ARHGEF26: variants seen among roughly 807,000 people sequenced by gnomAD.
ARHGEF26 encodes the protein Rho guanine nucleotide exchange factor (GEF) 26.
ARHGEF26 carries 59 observed loss-of-function variants against 89.4 expected under a neutral mutation model. That is an observed-to-expected ratio of 0.66 (90% CI 0.54 to 0.82). The LOEUF (loss-of-function observed/expected upper bound fraction) is 0.82. Ranked by LOEUF, ARHGEF26 falls within the 40% of genes least tolerant of loss-of-function variation. The pLI is 0.00. For missense variants in ARHGEF26, 1,234 were observed against 1,085.6 expected (o/e 1.14, Z -1.92); for synonymous variants, 500 against 428.4 (o/e 1.17, Z -2.06).
chr3:154,221,387 G>GATT (rs1716117348), intron 10 of ARHGEF26, among the ~76,000 whole-genome samples: 2 of 152,170 alleles, frequency 1.3e-5, no homozygotes, highest in Non-Finnish European at 2.9e-5. Flanking sequence ...TGGTGGGAAA[G>GATT]ATTGTTTTAC....
At chr3:154,188,856 G>C (rs768959122) in intron 7 of ARHGEF26, among the ~76,000 whole-genome samples, 2 of 152,146 alleles carry the variant, frequency 1.3e-5, no homozygotes, top group Non-Finnish European at 2.9e-5. Flanking sequence ...AAAACACACA[G>C]CTGCTAACCC....
intron 9 of ARHGEF26, among the ~76,000 whole-genome samples, chr3:154,215,616 A>G (rs1715670654): frequency 6.6e-6 from 1 of 152,050 alleles, no homozygotes; most frequent in South Asian, 2.1e-4. Context: ...ACAGTTGTGG[A>G]GGCTGGGCAG....
At chr3:154,177,497 C>T (rs1370398865) in intron 6 of ARHGEF26, among the ~76,000 whole-genome samples, 1 of 152,142 alleles carries the variant, frequency 6.6e-6, no homozygotes, top group Non-Finnish European at 1.5e-5. Context: ...GTCTCTAATT[C>T]CCTGGTGTGA....
chr3:154,227,432 C>G (rs557880915), intron 11 of ARHGEF26, among the ~76,000 whole-genome samples: 2 of 151,972 alleles, frequency 1.3e-5, no homozygotes, highest in Non-Finnish European at 2.9e-5. Context: ...CAGGCGCCCG[C>G]TACCACACCC....
chr3:154,211,400 T>C (rs1401611999), intron 9 of ARHGEF26, among the ~76,000 whole-genome samples: 1 of 152,100 alleles, frequency 6.6e-6, no homozygotes, highest in African/African-American at 2.4e-5. Context: ...GTTTGGTCTT[T>C]TTTTTTCCTG....
chr3:154,166,625 A>T (rs558629366), intron 6 of ARHGEF26, among the ~76,000 whole-genome samples: 277 of 152,276 alleles, frequency 1.8e-3, no homozygotes, highest in Non-Finnish European at 3.4e-3. Context: ...GCTGTTTGGC[A>T]TGGTAAAAGT....
Position 154,226,696 on chromosome 3 carries a change from C to CA in ARHGEF26, c.2090+686_2090+687insA, listed in dbSNP as rs3223632. 9.9e-3 allele frequency among the ~76,000 whole-genome samples: 1,440 copies of CA among 145,420 alleles called. 15 individuals are homozygous for CA. Among genetic ancestry groups the CA allele is most frequent in the African/African-American group, 0.034 (1,367 of 39,660 alleles). The stretch of plus-strand genomic sequence containing the variant: ...ACACACACACACACACACACACACA[C>CA]CCCTTCAGCTCTGCCTTTCTCTAGG... On this transcript the variant is annotated intron_variant, in intron 11 of 14. Coordinates refer to ENST00000465093, the MANE Select transcript of ARHGEF26 (RefSeq NM_015595.4).
intron 8 of ARHGEF26, among the ~76,000 whole-genome samples, chr3:154,193,047 CCA>C (rs1559889456): frequency 6.9e-6 from 1 of 145,496 alleles, no homozygotes; most frequent in Non-Finnish European, 1.5e-5. Flanking sequence ...TTTTTTTAAG[CCA>C]CAGACCCCCC....
At chr3:154,232,994 A>AT (rs556808222) in intron 11 of ARHGEF26, among the ~76,000 whole-genome samples, 39 of 149,436 alleles carry the variant, frequency 2.6e-4, no homozygotes, top group South Asian at 8.6e-4. Context: ...CGCCCGGCTA[A>AT]TTTTTTTTTT....
intron 9 of ARHGEF26, among the ~76,000 whole-genome samples, chr3:154,204,868 G>A (rs552232420): frequency 6.6e-6 from 1 of 152,032 alleles, no homozygotes; most frequent in Admixed American, 6.6e-5. Context: ...ATTTCATTGT[G>A]GTCAAAGAAT....
At position 154,226,015 on chromosome 3, in the gene ARHGEF26, GTCTTTA is replaced by G; in HGVS notation, c.2090+9_2090+14del. 1 of 1,606,554 alleles carries G rather than the reference GTCTTTA, an allele frequency of 6.2e-7. No homozygotes were observed. Among genetic ancestry groups the G allele is most frequent in the Non-Finnish European group, 8.5e-7 (1 of 1,176,812 alleles). Reference sequence around the variant, plus strand: ...CATTATCACCAAGAAGAAGAGGTAAGTCTTTATCTGGTGTTGCTGACTAGACATTCC... The same window carrying G: ...CATTATCACCAAGAAGAAGAGGTAAGTCTGGTGTTGCTGACTAGACATTCC... On this transcript the variant is annotated splice_donor_region_variant and intron_variant, in intron 11 of 14. Coordinates refer to ENST00000465093, the MANE Select transcript of ARHGEF26 (RefSeq NM_015595.4).
chr3:154,256,430 C>T lies in ARHGEF26; in HGVS notation c.*957C>T. On this transcript the variant is annotated 3_prime_UTR_variant, in exon 15 of 15. Coordinates refer to ENST00000465093, the MANE Select transcript of ARHGEF26 (RefSeq NM_015595.4). Reference sequence around the variant, plus strand: ...TAGAGACAGGGTTTCATCATGTTGGCCAGGATGGTCTCTTAACTCCTGCCC... The same window carrying T: ...TAGAGACAGGGTTTCATCATGTTGGTCAGGATGGTCTCTTAACTCCTGCCC... 1.3e-6 allele frequency: 1 copy of T among 789,228 alleles called. No individual in the cohort carries two copies. Among genetic ancestry groups the T allele is most frequent in the Non-Finnish European group, 1.5e-6 (1 of 652,422 alleles). The allele number at this position is 789,228 out of a possible 1,614,324, so 48.9% of individuals were successfully genotyped here. A position where few individuals can be genotyped will look rare whatever the true frequency, so the allele number is the denominator to read the frequency against.
At chr3:154,152,000 G>T (rs1321581897) in intron 5 of ARHGEF26, among the ~76,000 whole-genome samples, 1 of 152,124 alleles carries the variant, frequency 6.6e-6, no homozygotes, top group Non-Finnish European at 1.5e-5. Context: ...CCTTACGCAG[G>T]GCATTGGAAT....
chr3:154,203,455 C>T (rs1181132384), intron 9 of ARHGEF26, among the ~76,000 whole-genome samples: 4 of 152,102 alleles, frequency 2.6e-5, no homozygotes, highest in Non-Finnish European at 5.9e-5. Flanking sequence ...TTTCTTCCTT[C>T]CAAATTTGGA....
chr3:154,199,541 T>C (rs1330686623), intron 9 of ARHGEF26, among the ~76,000 whole-genome samples: 1 of 152,162 alleles, frequency 6.6e-6, no homozygotes, highest in Non-Finnish European at 1.5e-5. Flanking sequence ...GGCAGATATC[T>C]CTTTGATATA....
At chr3:154,227,609 G>A (rs1716573025) in intron 11 of ARHGEF26, among the ~76,000 whole-genome samples, 1 of 152,170 alleles carries the variant, frequency 6.6e-6, no homozygotes, top group African/African-American at 2.4e-5. Flanking sequence ...GATGGGAGAA[G>A]AATTATAATT....
rs746820768 is a variant in ARHGEF26 at position 154,122,692 on chromosome 3, G to C, written c.700G>C (p.Val234Leu). 2 of 1,613,802 alleles carry C rather than the reference G, an allele frequency of 1.2e-6. No homozygotes were observed. The highest frequency in any genetic ancestry group is 2.2e-5 in the South Asian group (2 of 91,050). The part of the protein sequence containing the change: ...ENELLENPSV[V>L]LSTNSPAALK... ...CGAGCTCCTCGAGAATCCTTCCGTG[G>C]TTTTGAGTACAAACAGCCCCGCCGC... The change falls in exon 2 of 15, where the codon GTT becomes CTT. Residue 234 changes from valine to leucine, a missense_variant. Coordinates refer to ENST00000465093, the MANE Select transcript of ARHGEF26 (RefSeq NM_015595.4).
In ARHGEF26 at chr3:154,256,065, T is replaced by C. The variant is rs1338947599; in HGVS notation, c.*592T>C. 4.1e-6 allele frequency: 4 copies of C among 985,596 alleles called. No individual in the cohort carries two copies. In the African/African-American group the frequency reaches 5.2e-5, roughly 13 times the overall value. 61.1% of individuals were successfully genotyped at this position (985,596 alleles called of 1,614,324 possible). A position where few individuals can be genotyped will look rare whatever the true frequency, so the allele number is the denominator to read the frequency against. ...TGACACTTGAATTTTTGTCACCTTT[T>C]TCCTCATTAGAAGGAAAGTAGAAAG... is the stretch of plus-strand genomic sequence containing the variant. On this transcript the variant is annotated 3_prime_UTR_variant, in exon 15 of 15. Transcript: ENST00000465093.
intron 10 of ARHGEF26, among the ~76,000 whole-genome samples, chr3:154,222,841 A>G (rs1716221305): frequency 6.6e-6 from 1 of 152,174 alleles, no homozygotes; most frequent in African/African-American, 2.4e-5. Context: ...AGAGAATACT[A>G]ATGAGAGGGG....
Sources: gnomAD v4.1 joint callset for allele counts (sites outside exome capture counted in the v4.1 genomes callset) on GRCh38, gnomAD v4.1.1 for gene constraint, MANE v1.5 for transcripts, NCBI Gene and HGNC (gene_info 2026-07-23, HGNC 2026-07-21) for gene names.